The following PLEKHA2 variants were observed in gnomAD, a reference collection of about 807,000 sequenced individuals.
The protein encoded by PLEKHA2 is pleckstrin homology domain containing A2.
PLEKHA2 carries 28 observed loss-of-function variants against 53.2 expected under a neutral mutation model. The observed-to-expected ratio is 0.53, with a 90% CI of 0.39 to 0.72. The LOEUF (loss-of-function observed/expected upper bound fraction) is 0.72. Among genes scored for constraint, PLEKHA2 ranks in the 30% least tolerant of loss-of-function variants. The probability of loss-of-function intolerance (pLI) is 0.00; values close to 1 mark genes in which losing one functional copy is unlikely to be tolerated. For synonymous variants in PLEKHA2, 193 were observed against 196.4 expected (o/e 0.98, Z 0.14); for missense variants, 426 against 537.9 (o/e 0.79, Z 2.06).
chr8:38,911,546 A>G (rs971073755), intron 1 of PLEKHA2, among the ~76,000 whole-genome samples: 6 of 152,052 alleles, frequency 3.9e-5, no homozygotes, highest in African/African-American at 1.2e-4. Context: ...CCCAGCATGA[A>G]CGCTTTCCAT....
intron 5 of PLEKHA2, among the ~76,000 whole-genome samples, chr8:38,949,832 A>G (rs1358024249): frequency 6.6e-6 from 1 of 152,224 alleles, no homozygotes; most frequent in Admixed American, 6.5e-5. Context: ...CATTTTATGC[A>G]TGAGACGGTT....
intron 2 of PLEKHA2, among the ~76,000 whole-genome samples, chr8:38,924,762 G>A (rs578061618): frequency 7.2e-5 from 11 of 152,234 alleles, no homozygotes; most frequent in Non-Finnish European, 1.6e-4. Context: ...ACATACGGTG[G>A]GGGTGTGTTG....
At chr8:38,913,420 G>T (rs1452891768) in intron 1 of PLEKHA2, among the ~76,000 whole-genome samples, 1 of 151,098 alleles carries the variant, frequency 6.6e-6, no homozygotes, top group Non-Finnish European at 1.5e-5. Flanking sequence ...AGGCTAAAAA[G>T]GGGAAATTTG....
intron 2 of PLEKHA2, among the ~76,000 whole-genome samples, chr8:38,933,154 T>C (rs1416751784): frequency 6.6e-6 from 1 of 151,940 alleles, no homozygotes; most frequent in Admixed American, 6.6e-5. Context: ...CGGAGGCTGC[T>C]GGGCTGTGGT....
At chr8:38,939,591 G>A (rs1327983852) in intron 3 of PLEKHA2, among the ~76,000 whole-genome samples, 1 of 152,214 alleles carries the variant, frequency 6.6e-6, no homozygotes, top group African/African-American at 2.4e-5. Flanking sequence ...CCCATAATAA[G>A]CACATGGGTA....
In PLEKHA2 at chr8:38,951,009, G is replaced by T. The variant is rs778888756; in HGVS notation, c.486+19G>T. The T allele has an allele frequency of 5.6e-6, 9 of 1,610,744 alleles. No homozygotes were observed. Among genetic ancestry groups the T allele is most frequent in the South Asian group, 1.1e-5 (1 of 90,636 alleles). On this transcript the variant is annotated intron_variant, in intron 6 of 11. Coordinates refer to ENST00000617275, the MANE Select transcript of PLEKHA2 (RefSeq NM_021623.2). ...CAGCCAGGTGAGGGGCCTGACTGGGGCTGCGGGGGGAGTGGGGGTGTGGAA... is the reference window on the plus strand; with the variant it reads ...CAGCCAGGTGAGGGGCCTGACTGGGTCTGCGGGGGGAGTGGGGGTGTGGAA...
In PLEKHA2 at chr8:38,970,102, T is replaced by C. The variant is rs2129425698; in HGVS notation, c.*319T>C. 4.3e-6 allele frequency: 2 copies of C among 466,578 alleles called. No individual in the cohort carries two copies. Among genetic ancestry groups the C allele is most frequent in the Non-Finnish European group, 7.4e-6 (2 of 269,640 alleles). The allele number at this position is 466,578 out of a possible 1,614,324, so 28.9% of individuals were successfully genotyped here. A position where few individuals can be genotyped will look rare whatever the true frequency, so the allele number is the denominator to read the frequency against. The stretch of plus-strand genomic sequence containing the variant: ...GAGGTCTTCCTGGAGAGGGATTGTT[T>C]TAGCAGCTCCTCTCCAGAGGGGGCT... On this transcript the variant is annotated 3_prime_UTR_variant, in exon 12 of 12. Transcript: ENST00000617275.
chr8:38,915,439 A>C (rs1834043232), intron 1 of PLEKHA2, among the ~76,000 whole-genome samples: 1 of 152,248 alleles, frequency 6.6e-6, no homozygotes, highest in Non-Finnish European at 1.5e-5. Flanking sequence ...CGTGAGAGAA[A>C]GATCTGTCCA....
chr8:38,951,016 G>T, intron 6 of PLEKHA2, 26 bp downstream of exon 6: 2 of 1,607,222 alleles, frequency 1.2e-6, no homozygotes, highest in Non-Finnish European at 1.7e-6. Context: ...GGGGCTGCGG[G>T]GGGAGTGGGG....
chr8:38,965,763 G>GT (rs1835124476), intron 10 of PLEKHA2, among the ~76,000 whole-genome samples: 2 of 152,126 alleles, frequency 1.3e-5, no homozygotes, highest in South Asian at 4.1e-4. Flanking sequence ...AAATGGTGGC[G>GT]TTTAAGGCTT....
intron 1 of PLEKHA2, among the ~76,000 whole-genome samples, chr8:38,908,691 T>G (rs903564989): frequency 2.0e-5 from 3 of 152,232 alleles, no homozygotes; most frequent in African/African-American, 4.8e-5. Context: ...AATATAAGAA[T>G]AATATTTGGA....
intron 1 of PLEKHA2, among the ~76,000 whole-genome samples, chr8:38,907,169 G>C (rs1833889867): frequency 6.6e-6 from 1 of 152,146 alleles, no homozygotes; most frequent in South Asian, 2.1e-4. Flanking sequence ...CAAAATCCCA[G>C]AAATTCCTTG....
intron 3 of PLEKHA2, among the ~76,000 whole-genome samples, chr8:38,940,961 G>T (rs972020486): frequency 2.0e-5 from 3 of 151,606 alleles, no homozygotes; most frequent in African/African-American, 7.3e-5. Flanking sequence ...TTGGCTCTGA[G>T]TAACTCATCC....
chr8:38,951,278 A>C (rs1834833732), intron 6 of PLEKHA2, among the ~76,000 whole-genome samples: 1 of 152,042 alleles, frequency 6.6e-6, no homozygotes, highest in African/African-American at 2.4e-5. Context: ...AACCATAGGA[A>C]ATGGGACAGA....
At chr8:38,914,928 TCTC>T (rs1834009664) in intron 1 of PLEKHA2, among the ~76,000 whole-genome samples, 2 of 147,790 alleles carry the variant, frequency 1.4e-5, no homozygotes, top group South Asian at 4.3e-4. Context: ...TCTTCCTTCT[TCTC>T]CTTTTTCTTC....
At chr8:38,906,743 A>G (rs1554553436) in intron 1 of PLEKHA2, among the ~76,000 whole-genome samples, 1 of 152,154 alleles carries the variant, frequency 6.6e-6, no homozygotes, top group Non-Finnish European at 1.5e-5. Flanking sequence ...ATTCTCAGGG[A>G]TGTGTTCTCA....
intron 8 of PLEKHA2, 41 bp downstream of exon 8, chr8:38,952,745 A>C: frequency 1.3e-6 from 2 of 1,581,642 alleles, no homozygotes; most frequent in Non-Finnish European, 8.7e-7. Flanking sequence ...GGTCATGGAA[A>C]CTAAGAGGTG....
At chr8:38,928,013 G>A (rs1377665742) in intron 2 of PLEKHA2, among the ~76,000 whole-genome samples, 3 of 152,030 alleles carry the variant, frequency 2.0e-5, no homozygotes, top group African/African-American at 7.2e-5. Context: ...CTGGTTGACT[G>A]GGGAGAGGAG....
rs2129426501 is a variant in PLEKHA2 at position 38,973,759 on chromosome 8, C to CT, written c.*3976_*3977insT. The CT allele has an allele frequency of 6.1e-6, 1 of 163,818 alleles. No individual in the cohort carries two copies. The highest frequency in any genetic ancestry group is 2.4e-5 in the African/African-American group (1 of 41,414). 10.1% of individuals were successfully genotyped at this position (163,818 alleles called of 1,614,324 possible). On this transcript the variant is annotated 3_prime_UTR_variant, in exon 12 of 12. Coordinates refer to ENST00000617275, the MANE Select transcript of PLEKHA2 (RefSeq NM_021623.2). ...TCTGTGTTTTAAAGCAGTGATGTTT[C>CT]AGCTGTGAAATGCACTCGCTGTAAG... is the stretch of plus-strand genomic sequence containing the variant.
Sources: allele counts gnomAD v4.1 joint callset (sites outside exome capture counted in the v4.1 genomes callset), GRCh38; gene constraint gnomAD v4.1.1; transcripts MANE v1.5; gene names NCBI Gene and HGNC (gene_info 2026-07-23, HGNC 2026-07-21).